BCAS3: variants seen among roughly 807,000 people sequenced by gnomAD.
BCAS3 encodes BCAS3 microtubule associated cell migration factor.
BCAS3 carries 53 observed loss-of-function variants against 116.1 expected under a neutral mutation model. The ratio of observed to expected loss-of-function variants is 0.46; its 90% CI spans 0.37 to 0.57. The LOEUF is 0.57. Ranked by LOEUF, BCAS3 falls within the 20% of genes least tolerant of loss-of-function variation. BCAS3 has a pLI of 0.00. For synonymous variants in BCAS3, 391 were observed against 408.2 expected (o/e 0.96, Z 0.51); for missense variants, 917 against 1,165.4 (o/e 0.79, Z 3.10).
chr17:61,117,108 C>T (rs1356746246), intron 22 of BCAS3, among the ~76,000 whole-genome samples: 3 of 152,116 alleles, frequency 2.0e-5, no homozygotes, highest in Non-Finnish European at 2.9e-5. Context: ...CCACTCCTTT[C>T]GGGCTTAAAG....
chr17:60,682,816 C>A, intron 2 of BCAS3, among the ~76,000 whole-genome samples: 1 of 152,206 alleles, frequency 6.6e-6, no homozygotes, highest in Admixed American at 6.5e-5. Context: ...GCTACCACGC[C>A]TGGCCTAAAA....
chr17:60,733,387 C>T (rs560954678), intron 5 of BCAS3, among the ~76,000 whole-genome samples: 3 of 152,284 alleles, frequency 2.0e-5, no homozygotes, highest in African/African-American at 7.2e-5. Flanking sequence ...CAGGTATTGG[C>T]TGCTCTTGCT....
At chr17:61,273,645 A>C (rs1315016148) in intron 22 of BCAS3, among the ~76,000 whole-genome samples, 1 of 150,772 alleles carries the variant, frequency 6.6e-6, no homozygotes, top group Admixed American at 6.6e-5. Flanking sequence ...TTTTTCAAAA[A>C]TTTTTAATGC....
chr17:60,849,012 G>A (rs903169878), intron 7 of BCAS3, among the ~76,000 whole-genome samples: 1 of 152,144 alleles, frequency 6.6e-6, no homozygotes, highest in Non-Finnish European at 1.5e-5. Flanking sequence ...TTTTCTTTGA[G>A]CAAATGTTTG....
chr17:60,842,756 A>G (rs1278806640), intron 7 of BCAS3, among the ~76,000 whole-genome samples: 1 of 151,904 alleles, frequency 6.6e-6, no homozygotes, highest in African/African-American at 2.4e-5. Context: ...CTTGGATTCC[A>G]CCATTGTACT....
At chr17:61,110,766 C>T (rs1250209838) in intron 22 of BCAS3, among the ~76,000 whole-genome samples, 2 of 152,254 alleles carry the variant, frequency 1.3e-5, no homozygotes, top group Non-Finnish European at 2.9e-5. Flanking sequence ...CTGCCTGCCT[C>T]TGTAGGCTCC....
At chr17:60,685,825 A>G (rs1278563499) in intron 3 of BCAS3, among the ~76,000 whole-genome samples, 1 of 152,006 alleles carries the variant, frequency 6.6e-6, no homozygotes, top group Non-Finnish European at 1.5e-5. Context: ...CCTACTGACC[A>G]TAGGTTGCTT....
chr17:61,117,464 T>C (rs1203610866), intron 22 of BCAS3, among the ~76,000 whole-genome samples: 3 of 152,008 alleles, frequency 2.0e-5, no homozygotes, highest in Admixed American at 2.0e-4. Context: ...GTGCAGTGGC[T>C]TGCACCTGTA....
chr17:60,804,039 G>C (rs948276199), intron 6 of BCAS3, among the ~76,000 whole-genome samples: 2 of 150,524 alleles, frequency 1.3e-5, no homozygotes, highest in Non-Finnish European at 3.0e-5. Flanking sequence ...CTGACCTCAG[G>C]TGATCTGCCC....
chr17:60,711,878 C>A (rs538812030), intron 5 of BCAS3, among the ~76,000 whole-genome samples: 1 of 151,658 alleles, frequency 6.6e-6, no homozygotes, highest in East Asian at 1.9e-4. Flanking sequence ...CACAGTGAGA[C>A]CAGCCGGGTG....
chr17:61,066,150 C>G lies in BCAS3; in HGVS notation c.2030-8770C>G, dbSNP rs532381114. Among the ~76,000 whole-genome samples, 27 of 152,252 alleles carry G rather than the reference C, an allele frequency of 1.8e-4. 1 individual carries two copies. In the South Asian group the frequency reaches 1.9e-3, roughly 11 times the overall value. On this transcript the variant is annotated intron_variant, in intron 19 of 23. Coordinates refer to ENST00000407086, the MANE Select transcript of BCAS3 (RefSeq NM_017679.5). ...GAGTAGAACAGCTTCTTAACATCTG[C>G]TAGAGTTGGGAGGCTGGAGTTTACA...
rs1335523553 is a variant in BCAS3 at position 61,077,155 on chromosome 17, AT to A, written c.2131-1177del. Among the ~76,000 whole-genome samples, 4 of 151,262 alleles carry A rather than the reference AT, an allele frequency of 2.6e-5. No individual in the cohort carries two copies. Among genetic ancestry groups the A allele is most frequent in the African/African-American group, 9.8e-5 (4 of 40,988 alleles). Reference sequence around the variant, plus strand: ...TTATTTGTAAAAAAAAAAAAAAATCATGTAATATATATATTTTCAGGTTTTT... The same window carrying A: ...TTATTTGTAAAAAAAAAAAAAAATCAGTAATATATATATTTTCAGGTTTTT... On this transcript the variant is annotated intron_variant, in intron 20 of 23. Transcript: ENST00000407086. This position sits in a 1 kb window ranked among gnomAD's most constrained non-coding sequence, Gnocchi z 4.3.
chr17:60,992,501 G>C (rs1416760570), intron 15 of BCAS3, among the ~76,000 whole-genome samples: 2 of 152,082 alleles, frequency 1.3e-5, no homozygotes, highest in Non-Finnish European at 2.9e-5. Context: ...ATAAAGATGG[G>C]AATAGTAGAC....
intron 22 of BCAS3, among the ~76,000 whole-genome samples, chr17:61,263,003 A>G (rs1283780704): frequency 6.6e-6 from 1 of 152,232 alleles, no homozygotes. Flanking sequence ...AGGAGACTTA[A>G]TATTTAAAGG....
chr17:61,323,035 A>C lies in BCAS3; in HGVS notation c.2426-45292A>C, dbSNP rs2055435307. 6.6e-6 allele frequency among the ~76,000 whole-genome samples: 1 copy of C among 152,024 alleles called. No individual in the cohort carries two copies. The highest frequency in any genetic ancestry group is 1.5e-5 in the Non-Finnish European group (1 of 68,012). On this transcript the variant is annotated intron_variant, in intron 22 of 23. Coordinates refer to ENST00000407086, the MANE Select transcript of BCAS3 (RefSeq NM_017679.5). The surrounding 1 kb of genome is among the most constrained non-coding windows in gnomAD (Gnocchi z 4.6). The stretch of plus-strand genomic sequence containing the variant: ...TGTGGCTATTTTGATGCCTTTTGAA[A>C]GTGCCACAGTTAATTTGATTGAGCT...
In BCAS3 at chr17:60,927,921, AT is replaced by A. The variant is rs200791020; in HGVS notation, c.1087+3423del. 8.7e-3 allele frequency among the ~76,000 whole-genome samples: 1,324 copies of A among 152,294 alleles called. 20 individuals are homozygous for A. Among genetic ancestry groups the A allele is most frequent in the African/African-American group, 0.03 (1,229 of 41,558 alleles). ...ATTTTAATTTTTTAAAATCTTAAGT[AT>A]TATATTTTGTGTTTTAATTTCATTC... On this transcript the variant is annotated intron_variant, in intron 13 of 23. Transcript: ENST00000407086.
chr17:61,140,543 A>G lies in BCAS3; in HGVS notation c.2425+55979A>G, dbSNP rs1413399194. Among the ~76,000 whole-genome samples, 1 of 151,998 alleles carries G rather than the reference A, an allele frequency of 6.6e-6. No individual in the cohort carries two copies. Among genetic ancestry groups the G allele is most frequent in the East Asian group, 1.9e-4 (1 of 5,170 alleles). On this transcript the variant is annotated intron_variant, in intron 22 of 23. Transcript: ENST00000407086. This position sits in a 1 kb window ranked among gnomAD's most constrained non-coding sequence, Gnocchi z 4.2. Reference sequence around the variant, plus strand: ...TTTACCAAGTAATCACTGCAAGTGGATTCAATTTGTAAAGTCACATAAAAG... The same window carrying G: ...TTTACCAAGTAATCACTGCAAGTGGGTTCAATTTGTAAAGTCACATAAAAG...
Position 61,108,852 on chromosome 17 carries a change from A to G in BCAS3, c.2425+24288A>G, listed in dbSNP as rs149469750. Reference sequence around the variant, plus strand: ...TTAGCTCCCACTTATGAGTGAGAACATATGATGTTTGGTTTTCCATTCCTG... The same window carrying G: ...TTAGCTCCCACTTATGAGTGAGAACGTATGATGTTTGGTTTTCCATTCCTG... On this transcript the variant is annotated intron_variant, in intron 22 of 23. Transcript: ENST00000407086. Among the ~76,000 whole-genome samples the G allele has an allele frequency of 2.7e-3, 405 of 152,202 alleles. 3 individuals carry two copies. Among genetic ancestry groups the G allele is most frequent in the African/African-American group, 9.4e-3 (389 of 41,512 alleles).
intron 17 of BCAS3, chr17:61,036,177 C>A (rs868811026): frequency 3.9e-5 from 6 of 152,158 alleles, no homozygotes; most frequent in South Asian, 2.1e-4. Flanking sequence ...TGATTTTCCC[C>A]TTAATATTTT....
Sources: allele counts gnomAD v4.1 joint callset (sites outside exome capture counted in the v4.1 genomes callset), GRCh38; gene constraint gnomAD v4.1.1; non-coding constraint Gnocchi (gnomAD v3.1); transcripts MANE v1.5; gene names NCBI Gene and HGNC (gene_info 2026-07-23, HGNC 2026-07-21).